Variants in AR observed in about 807,000 individuals in gnomAD.
The protein encoded by AR is androgen receptor, also known as dihydrotestosterone receptor.
AR carries 8 observed loss-of-function variants against 53.9 expected under a neutral mutation model. That is an observed-to-expected ratio of 0.15 (90% CI 0.09 to 0.27). The LOEUF is 0.27. AR is among the 10% of genes least tolerant of loss of function. The probability of loss-of-function intolerance (pLI) is 1.00; values close to 1 mark genes in which losing one functional copy is unlikely to be tolerated. For synonymous variants in AR, 359 were observed against 316.4 expected (o/e 1.13, Z -1.43); for missense variants, 639 against 742.5 (o/e 0.86, Z 1.62).
intron 2 of AR, among the ~76,000 whole-genome samples, chrX:67,651,422 GA>G (rs1175167428): frequency 2.7e-5 from 3 of 110,825 alleles, no homozygotes; most frequent in Non-Finnish European, 5.7e-5. Flanking sequence ...TACAGAGTGA[GA>G]GGTTATTCTC....
At chrX:67,713,782 A>T (rs2076102624) in intron 4 of AR, among the ~76,000 whole-genome samples, 1 of 111,787 alleles carries the variant, frequency 8.9e-6, no homozygotes, top group Non-Finnish European at 1.9e-5. Context: ...AACCACCAAG[A>T]TGGAAAGCCC....
At chrX:67,630,611 T>C (rs755233446) in intron 1 of AR, among the ~76,000 whole-genome samples, 20 of 111,518 alleles carry the variant, frequency 1.8e-4, no homozygotes, top group African/African-American at 6.5e-4. Flanking sequence ...AGTCTGTGTC[T>C]TTTAATTGGA....
intron 2 of AR, among the ~76,000 whole-genome samples, chrX:67,684,973 G>A (rs2075957802): frequency 9.0e-6 from 1 of 110,981 alleles, no homozygotes; most frequent in Non-Finnish European, 1.9e-5. Context: ...TAAAATCCCA[G>A]TCTATCCAGT....
intron 2 of AR, among the ~76,000 whole-genome samples, chrX:67,644,253 A>C (rs1243276878): frequency 9.0e-6 from 1 of 111,211 alleles, no homozygotes; most frequent in Non-Finnish European, 1.9e-5. Context: ...TATCCACTTC[A>C]CCCTGTATTG....
intron 2 of AR, among the ~76,000 whole-genome samples, chrX:67,654,846 G>A (rs1027566516): frequency 1.1e-5 from 1 of 94,848 alleles, no homozygotes; most frequent in Non-Finnish European, 2.1e-5. Context: ...CTTTTATCTA[G>A]CATGCCGTCT....
chrX:67,617,507 C>T (rs1027991471), intron 1 of AR, among the ~76,000 whole-genome samples: 6 of 111,347 alleles, frequency 5.4e-5, no homozygotes, highest in African/African-American at 1.6e-4. Flanking sequence ...TAAGCTGTTA[C>T]GTTAAAGAAC....
chrX:67,574,875 A>G (rs1861177482), intron 1 of AR, among the ~76,000 whole-genome samples: 1 of 111,569 alleles, frequency 9.0e-6, no homozygotes, highest in South Asian at 3.7e-4. Context: ...TCTCAATATG[A>G]GGTTGAAACT....
rs746805041 is a variant in AR, at chrX:67,710,611, G to T, written c.1886-791G>T. ...GCCTCCCAAAATGCTGGGATTACAG[G>T]CATGAACCACCTTACCCAGCCAAAT... On this transcript the variant is annotated intron_variant, in intron 3 of 7. Coordinates refer to ENST00000374690, the MANE Select transcript of AR (RefSeq NM_000044.6). 3.6e-5 allele frequency among the ~76,000 whole-genome samples: 4 copies of T among 111,709 alleles called. No individual in the cohort carries two copies. In the South Asian group the frequency reaches 1.1e-3, roughly 32 times the overall value.
chrX:67,665,795 G>T (rs1241365096), intron 2 of AR, among the ~76,000 whole-genome samples: 2 of 112,075 alleles, frequency 1.8e-5, no homozygotes, highest in Non-Finnish European at 3.8e-5. Flanking sequence ...GGCCCTCACT[G>T]TTCTAGGAAA....
intron 2 of AR, among the ~76,000 whole-genome samples, chrX:67,679,259 G>T (rs915100528): frequency 9.0e-6 from 1 of 111,095 alleles, no homozygotes; most frequent in Admixed American, 9.6e-5. Context: ...CAAGTATATT[G>T]TTTGGTAACT....
intron 1 of AR, among the ~76,000 whole-genome samples, chrX:67,590,582 C>T (rs1217014976): frequency 6.3e-5 from 7 of 111,739 alleles, no homozygotes; most frequent in Non-Finnish European, 1.3e-4. Flanking sequence ...ATTTTGAAAG[C>T]TATTATTATT....
At chrX:67,568,016 G>T (rs1751662649) in intron 1 of AR, among the ~76,000 whole-genome samples, 1 of 111,238 alleles carries the variant, frequency 9.0e-6, no homozygotes, top group Admixed American at 9.6e-5. Flanking sequence ...AGTGTGAAAA[G>T]AGGGTTATGC....
chrX:67,725,669 A>T lies in AR; in HGVS notation c.*1828A>T. 5.7e-6 allele frequency: 1 copy of T among 175,797 alleles called. No homozygotes were observed. The highest frequency in any genetic ancestry group is 3.0e-4 in the South Asian group (1 of 3,340). 14.5% of individuals were successfully genotyped at this position (175,797 alleles called of 1,213,427 possible). On this transcript the variant is annotated 3_prime_UTR_variant, in exon 8 of 8. Coordinates refer to ENST00000374690, the MANE Select transcript of AR (RefSeq NM_000044.6). ...TACTCATCATCCTCCTCTGCTGCTG[A>T]TTCTGGGCTCTGACATTGCCCATAC...
At position 67,544,205 on chromosome X, in the gene AR, T is replaced by C. The variant is rs1383008507; in HGVS notation, c.-942T>C. Reference sequence around the variant, plus strand: ...GGCTCCAGCGACAGCCAACGCCTCTTGCAGCGCGGCGGCTTCGAAGCCGCC... The same window carrying C: ...GGCTCCAGCGACAGCCAACGCCTCTCGCAGCGCGGCGGCTTCGAAGCCGCC... On this transcript the variant is annotated 5_prime_UTR_variant, in exon 1 of 8. Transcript: ENST00000374690. 2 of 128,870 alleles carry C rather than the reference T, an allele frequency of 1.6e-5. No individual in the cohort carries two copies. Among genetic ancestry groups the C allele is most frequent in the Non-Finnish European group, 3.2e-5 (2 of 63,429 alleles). The allele number at this position is 128,870 out of a possible 1,213,427, so 10.6% of individuals were successfully genotyped here. A position where few individuals can be genotyped will look rare whatever the true frequency, so the allele number is the denominator to read the frequency against.
At chrX:67,686,613 G>A (rs2075968387) in intron 3 of AR, among the ~76,000 whole-genome samples, 1 of 111,689 alleles carries the variant, frequency 9.0e-6, no homozygotes, top group Non-Finnish European at 1.9e-5. Flanking sequence ...CAGCCACCTC[G>A]AATGAGAAGC....
chrX:67,689,659 TC>T, intron 3 of AR: 1 of 904,438 alleles, frequency 1.1e-6, no homozygotes, highest in South Asian at 2.7e-5. Flanking sequence ...ACAACAGAGA[TC>T]AGCCTTTCTT....
intron 1 of AR, among the ~76,000 whole-genome samples, chrX:67,613,169 G>A (rs375703430): frequency 9.8e-5 from 11 of 111,830 alleles, no homozygotes; most frequent in South Asian, 3.8e-4. Context: ...GGAATATACC[G>A]TTATCCCCAG....
At chrX:67,630,539 A>ACG (rs1221552227) in intron 1 of AR, among the ~76,000 whole-genome samples, 3 of 111,027 alleles carry the variant, frequency 2.7e-5, no homozygotes, top group Non-Finnish European at 5.7e-5. Flanking sequence ...GTGTCTCTGC[A>ACG]TATGAGATGG....
At chrX:67,683,761 A>C (rs2075949945) in intron 2 of AR, among the ~76,000 whole-genome samples, 1 of 111,646 alleles carries the variant, frequency 9.0e-6, no homozygotes, top group South Asian at 3.7e-4. Context: ...TTTTGCACTT[A>C]CTCCTGAGTA....
Sources: gnomAD v4.1 joint callset for allele counts (sites outside exome capture counted in the v4.1 genomes callset) on GRCh38, gnomAD v4.1.1 for gene constraint, MANE v1.5 for transcripts, NCBI Gene and HGNC (gene_info 2026-07-23, HGNC 2026-07-21) for gene names.